Variants in PICALM observed in about 807,000 individuals in gnomAD.
PICALM encodes phosphatidylinositol binding clathrin assembly protein.
Under a neutral mutation model 80.5 loss-of-function variants are expected in PICALM, and 40 were observed. That is an observed-to-expected ratio of 0.50 (90% CI 0.39 to 0.65). PICALM has a LOEUF of 0.65. Among genes scored for constraint, PICALM ranks in the 30% least tolerant of loss-of-function variants. PICALM has a pLI of 0.00. For missense variants in PICALM, 676 were observed against 778.9 expected (o/e 0.87, Z 1.57); for synonymous variants, 288 against 260.3 (o/e 1.11, Z -1.02).
chr11:86,045,769 G>T (rs2096063233), intron 1 of PICALM, among the ~76,000 whole-genome samples: 1 of 152,060 alleles, frequency 6.6e-6, no homozygotes. Context: ...CCTGGCTTGT[G>T]TGAGAAAGTA....
In PICALM at chr11:86,056,134, T is replaced by TAAAAAAAAAAAAAAAAAAAAAAA. The variant is rs376759395; in HGVS notation, c.130+12516_130+12517insTTTTTTTTTTTTTTTTTTTTTTT. 4.9e-4 allele frequency among the ~76,000 whole-genome samples: 38 copies of TAAAAAAAAAAAAAAAAAAAAAAA among 76,814 alleles called. 7 individuals carry two copies. Among genetic ancestry groups the TAAAAAAAAAAAAAAAAAAAAAAA allele is most frequent in the Non-Finnish European group, 8.7e-4 (33 of 38,066 alleles). The allele number at this position is 76,814 out of a possible 152,430, so 50.4% of individuals were successfully genotyped here. A position where few individuals can be genotyped will look rare whatever the true frequency, so the allele number is the denominator to read the frequency against. The stretch of plus-strand genomic sequence containing the variant: ...TGGGTGACAGAACAAGACTCTGTCT[T>TAAAAAAAAAAAAAAAAAAAAAAA]TAAAAAAAAAAAAAAAGAAAAAACC... On this transcript the variant is annotated intron_variant, in intron 1 of 19. Coordinates refer to ENST00000393346, the MANE Select transcript of PICALM (RefSeq NM_007166.4).
At chr11:85,985,275 G>C (rs1320861686) in intron 13 of PICALM, among the ~76,000 whole-genome samples, 3 of 152,156 alleles carry the variant, frequency 2.0e-5, no homozygotes, top group African/African-American at 7.2e-5. Flanking sequence ...AGTAGGACAA[G>C]ATTTGGTGAG....
chr11:85,974,403 G>A (rs574015523), intron 19 of PICALM: 1 of 535,202 alleles, frequency 1.9e-6, no homozygotes. Flanking sequence ...GTTCACAAAG[G>A]ATACTACACC....
intron 12 of PICALM, 40 bp from the exon 13 acceptor site, chr11:85,990,439 A>C: frequency 7.4e-7 from 1 of 1,348,612 alleles, no homozygotes; most frequent in Non-Finnish European, 1.0e-6. Context: ...TGAAGAAAGG[A>C]AGTAAATAAA....
intron 1 of PICALM, among the ~76,000 whole-genome samples, chr11:86,054,556 C>T (rs1457581631): frequency 6.6e-6 from 1 of 152,172 alleles, no homozygotes. Context: ...CCCCATGTCA[C>T]TGCTTATCAT....
chr11:86,056,656 T>A (rs1210514211), intron 1 of PICALM, among the ~76,000 whole-genome samples: 1 of 152,146 alleles, frequency 6.6e-6, no homozygotes. Flanking sequence ...TATAACCCAG[T>A]AATTTTACTC....
intron 14 of PICALM, among the ~76,000 whole-genome samples, chr11:85,982,841 A>G (rs185692806): frequency 6.6e-6 from 1 of 152,336 alleles, no homozygotes; most frequent in African/African-American, 2.4e-5. Context: ...AAAAATGAAA[A>G]TAAAATTCTT....
Position 85,974,801 on chromosome 11 carries a change from C to T in PICALM, c.1851G>A (p.Met617Ile). ...GTTGCGTCATTACAGGAACACTTCC[C>T]ATTTGTGGAGGCTAAAAAAGAGAAA... ...GMIGYGIPPQ[M>I]GSVPVMTQPT... is the part of the protein sequence containing the mutation. The change falls in exon 19 of 20, where the codon ATG (methionine) becomes ATA (isoleucine). Residue 617 changes from methionine (M) to isoleucine (I), a missense_variant. This residue lies in a region of PICALM where 391 missense variants were observed against 383.6 expected (regional missense o/e 1.02). Coordinates refer to ENST00000393346, the MANE Select transcript of PICALM (RefSeq NM_007166.4). The T allele has an allele frequency of 6.2e-6, 10 of 1,611,924 alleles. No individual in the cohort carries two copies. The highest frequency in any genetic ancestry group is 8.5e-6 in the Non-Finnish European group (10 of 1,178,068).
At chr11:86,048,147 T>G (rs548580977) in intron 1 of PICALM, among the ~76,000 whole-genome samples, 17 of 152,320 alleles carry the variant, frequency 1.1e-4, no homozygotes, top group African/African-American at 3.1e-4. Context: ...AATGGTTCTC[T>G]CCTTGCACTG....
intron 4 of PICALM, among the ~76,000 whole-genome samples, chr11:86,015,908 TA>T (rs2095474110): frequency 3.9e-5 from 6 of 152,224 alleles, no homozygotes; most frequent in Admixed American, 3.9e-4. Context: ...AATTAAGCTA[TA>T]AAAAGCAACA....
At chr11:86,001,907 AC>A (rs2095156782) in intron 9 of PICALM, among the ~76,000 whole-genome samples, 1 of 152,220 alleles carries the variant, frequency 6.6e-6, no homozygotes, top group Non-Finnish European at 1.5e-5. Flanking sequence ...CTGAAGAACT[AC>A]CTTGAGCTTT....
At chr11:86,039,572 T>C (rs1261969387) in intron 1 of PICALM, among the ~76,000 whole-genome samples, 1 of 152,178 alleles carries the variant, frequency 6.6e-6, no homozygotes, top group Non-Finnish European at 1.5e-5. Context: ...TCTCATTATC[T>C]GGTCTGTTTA....
chr11:86,012,256 GTTA>G, intron 6 of PICALM, 22 bp downstream of exon 6: 1 of 1,246,810 alleles, frequency 8.0e-7, no homozygotes, highest in South Asian at 1.3e-5. Flanking sequence ...GATAAGAAAT[GTTA>G]TTAGGCTACA....
chr11:86,023,510 C>T (rs1472772047), intron 3 of PICALM: 1 of 984,610 alleles, frequency 1.0e-6, no homozygotes, highest in East Asian at 1.1e-4. Flanking sequence ...AGACGGTAAA[C>T]ACCTCTCATC....
chr11:86,047,437 C>G (rs1490501427), intron 1 of PICALM, among the ~76,000 whole-genome samples: 1 of 152,170 alleles, frequency 6.6e-6, no homozygotes, highest in African/African-American at 2.4e-5. Context: ...TGGGCATTGC[C>G]CATTTCCAAA....
intron 13 of PICALM, among the ~76,000 whole-genome samples, chr11:85,984,544 T>C (rs910913372): frequency 4.6e-5 from 7 of 152,192 alleles, no homozygotes; most frequent in Non-Finnish European, 7.4e-5. Context: ...CCTGTATCCA[T>C]ATGCTTTTAA....
chr11:86,030,441 T>C (rs1337028479), intron 2 of PICALM, among the ~76,000 whole-genome samples: 1 of 152,246 alleles, frequency 6.6e-6, no homozygotes, highest in African/African-American at 2.4e-5. Flanking sequence ...ACTAAAGTTC[T>C]TTCTCATCTC....
intron 19 of PICALM, among the ~76,000 whole-genome samples, chr11:85,964,155 G>A (rs1017022789): frequency 5.3e-5 from 8 of 152,054 alleles, no homozygotes; most frequent in Non-Finnish European, 8.8e-5. Flanking sequence ...AGAAAGTGAG[G>A]CTAGTGGAAT....
chr11:86,022,271 A>G, intron 4 of PICALM, 96 bp downstream of exon 4: 1 of 697,454 alleles, frequency 1.4e-6, no homozygotes, highest in Non-Finnish European at 2.4e-6. Context: ...ATCTTTTAAA[A>G]CTGGCTAAAA....
Sources: gnomAD v4.1 joint callset for allele counts (sites outside exome capture counted in the v4.1 genomes callset) on GRCh38, gnomAD v4.1.1 for gene constraint, gnomAD v4.1.1 regional missense constraint, MANE v1.5 for transcripts, NCBI Gene and HGNC (gene_info 2026-07-23, HGNC 2026-07-21) for gene names.